The following TNPO3 variants were observed in gnomAD, a reference collection of about 807,000 sequenced individuals.
The protein encoded by TNPO3 is transportin 3, also known as transportin-3.
In TNPO3, 65 loss-of-function variants were observed where a neutral mutation model predicts 122.8. The observed-to-expected ratio is 0.53, with a 90% CI of 0.43 to 0.65. The LOEUF (loss-of-function observed/expected upper bound fraction) is 0.65, where lower values mean the gene tolerates loss of function less well. TNPO3 is among the 30% of genes least tolerant of loss of function. The pLI is 0.00. For missense variants in TNPO3, 850 were observed against 1,136.7 expected (o/e 0.75, Z 3.63); for synonymous variants, 372 against 411.2 (o/e 0.90, Z 1.15).
At chr7:129,038,652 A>T (rs540839930) in intron 1 of TNPO3, among the ~76,000 whole-genome samples, 1 of 152,336 alleles carries the variant, frequency 6.6e-6, no homozygotes, top group African/African-American at 2.4e-5. Context: ...ATGCAGCCAT[A>T]AAAAAAGAAT....
intron 1 of TNPO3, among the ~76,000 whole-genome samples, chr7:129,018,819 A>G (rs1211186452): frequency 2.0e-5 from 3 of 152,100 alleles, no homozygotes; most frequent in Non-Finnish European, 4.4e-5. Context: ...CCCAGGTTCA[A>G]GCAATTCTCC....
Position 129,014,786 on chromosome 7 carries a change from T to A in TNPO3, c.552+193A>T, listed in dbSNP as rs2305325. ...TTCATAAAAGAGATAACGTCACCTT[T>A]AGAGGATTATACAGAAACTTAAAAA... is the stretch of plus-strand genomic sequence containing the variant. On this transcript the variant is annotated intron_variant, in intron 4 of 22. Coordinates refer to ENST00000265388, the MANE Select transcript of TNPO3 (RefSeq NM_012470.4). Among the ~76,000 whole-genome samples, 56,637 of 152,040 alleles carry A rather than the reference T, an allele frequency of 0.37. 11,704 individuals are homozygous for A. The highest frequency in any genetic ancestry group is 0.47 in the Middle Eastern group (138 of 294).
chr7:128,993,134 CA>C (rs112083583), intron 9 of TNPO3, among the ~76,000 whole-genome samples: 45 of 144,762 alleles, frequency 3.1e-4, no homozygotes, highest in Admixed American at 3.5e-4. Context: ...ACTGAGTTAC[CA>C]AAAAAAAAAA....
intron 13 of TNPO3, 151 bp downstream of exon 13, chr7:128,984,017 T>G: frequency 2.0e-6 from 1 of 495,666 alleles, no homozygotes; most frequent in Non-Finnish European, 3.5e-6. Context: ...TGTATGCAGC[T>G]ACTTTGATTA....
At chr7:129,008,011 T>C (rs1220695890) in intron 4 of TNPO3, among the ~76,000 whole-genome samples, 1 of 151,756 alleles carries the variant, frequency 6.6e-6, no homozygotes. Context: ...TAGCCAGGTG[T>C]GGTGGCACGC....
Position 128,982,309 on chromosome 7 carries a change from G to T in TNPO3, c.1798C>A (p.Pro600Thr). 1 of 1,613,050 alleles carries T rather than the reference G, an allele frequency of 6.2e-7. No homozygotes were observed. Among genetic ancestry groups the T allele is most frequent in the Non-Finnish European group, 8.5e-7 (1 of 1,179,394 alleles). ...MALKKLLSQE[P>T]SNGISSDPTV... is the part of the protein sequence containing the mutation. ...GGATCTGAGGATATGCCATTGCTGG[G>T]CTCTTGAGACAACAGCTGAAGAGAC... is the stretch of plus-strand genomic sequence containing the variant. The change falls in exon 14 of 23, where the codon CCC (proline) becomes ACC (threonine). Residue 600 changes from proline (P) to threonine (T), a missense_variant. Pro to Thr is a conservative substitution (Grantham distance 38). Coordinates refer to ENST00000265388, the MANE Select transcript of TNPO3 (RefSeq NM_012470.4).
At chr7:128,968,539 ACT>A (rs1798141453) in intron 20 of TNPO3, among the ~76,000 whole-genome samples, 1 of 151,816 alleles carries the variant, frequency 6.6e-6, no homozygotes, top group Admixed American at 6.6e-5. Flanking sequence ...CTGTAAAATT[ACT>A]CTTTTATACC....
intron 8 of TNPO3, among the ~76,000 whole-genome samples, chr7:128,996,353 A>T (rs1481775990): frequency 2.0e-5 from 3 of 152,162 alleles, no homozygotes; most frequent in East Asian, 1.9e-4. Flanking sequence ...AATAAGATTT[A>T]AAAAATGTGT....
chr7:129,002,651 G>A (rs983461181), intron 5 of TNPO3, among the ~76,000 whole-genome samples: 11 of 152,188 alleles, frequency 7.2e-5, no homozygotes, highest in East Asian at 3.8e-4. Flanking sequence ...GGGCATGGTG[G>A]CTCACACCTG....
chr7:128,974,186 A>G (rs1488392359), intron 18 of TNPO3, among the ~76,000 whole-genome samples: 1 of 152,102 alleles, frequency 6.6e-6, no homozygotes, highest in Non-Finnish European at 1.5e-5. Flanking sequence ...AAAAGAAAAA[A>G]GAAAAAAAAT....
chr7:129,039,258 A>C (rs1398964921), intron 1 of TNPO3, among the ~76,000 whole-genome samples: 1 of 152,194 alleles, frequency 6.6e-6, no homozygotes, highest in East Asian at 1.9e-4. Flanking sequence ...ATTCCTTGAA[A>C]GGTTAAAAAT....
At chr7:129,053,050 G>A (rs1158999711) in intron 1 of TNPO3, among the ~76,000 whole-genome samples, 1 of 151,846 alleles carries the variant, frequency 6.6e-6, no homozygotes, top group African/African-American at 2.4e-5. Context: ...TGCAGCGGGG[G>A]GCGATGGCTC....
chr7:129,052,208 T>C (rs752984427), intron 1 of TNPO3, among the ~76,000 whole-genome samples: 3 of 152,198 alleles, frequency 2.0e-5, no homozygotes, highest in Non-Finnish European at 2.9e-5. Flanking sequence ...TGGCTTCCGG[T>C]TGGGTTTGGC....
rs1267747582 is a variant in TNPO3, at chr7:129,018,039, G to A, written c.239C>T (p.Thr80Ile). The A allele has an allele frequency of 6.2e-7, 1 of 1,614,164 alleles. No individual in the cohort carries two copies. ...KIQTSFYELP[T>I]DSHASLRDSL... ...GTCCCGTAAAGAGGCATGAGAGTCT[G>A]TGGGGAGCTCATAAAATGAGGTCTG... Residue 80 changes from threonine (T) to isoleucine (I), a missense_variant, in exon 2 of 23, where the codon ACA (threonine) becomes ATA (isoleucine). Transcript: ENST00000265388.
Position 128,993,727 on chromosome 7 carries a change from T to C in TNPO3, c.1266+80A>G, listed in dbSNP as rs982541618. The C allele has an allele frequency of 9.8e-6, 12 of 1,229,094 alleles. No homozygotes were observed. In the African/African-American group the frequency reaches 1.5e-4, roughly 15 times the overall value. The allele number at this position is 1,229,094 out of a possible 1,614,324, so 76.1% of individuals were successfully genotyped here. ...AGCCACTAAAATTGAAGAAATAAGATGGAACATTCACAGAAGACACAGAAG... is the reference window on the plus strand; with the variant it reads ...AGCCACTAAAATTGAAGAAATAAGACGGAACATTCACAGAAGACACAGAAG... On this transcript the variant is annotated intron_variant, in intron 9 of 22. Transcript: ENST00000265388.
chr7:129,029,899 C>A (rs905237059), intron 1 of TNPO3: 1 of 152,212 alleles, frequency 6.6e-6, no homozygotes, highest in African/African-American at 2.4e-5. Flanking sequence ...CGGCAGCGGG[C>A]GCCTGTAGTC....
At chr7:129,030,687 G>A (rs1384976383) in intron 1 of TNPO3, among the ~76,000 whole-genome samples, 3 of 151,980 alleles carry the variant, frequency 2.0e-5, no homozygotes, top group Non-Finnish European at 4.4e-5. Context: ...TGTTTTATAT[G>A]GATTTTTATT....
Position 128,980,035 on chromosome 7 carries a change from G to C in TNPO3, c.1860-4C>G. ...TTCCACAATGGGATTGGTATGCCTG[G>C]GAAAAGACAACAGCCCAAAATAGTG... is the stretch of plus-strand genomic sequence containing the variant. On this transcript the variant is annotated splice_region_variant and splice_polypyrimidine_tract_variant and intron_variant, in intron 14 of 22. Coordinates refer to ENST00000265388, the MANE Select transcript of TNPO3 (RefSeq NM_012470.4). The C allele has an allele frequency of 1.2e-6, 2 of 1,613,952 alleles. No homozygotes were observed. Among genetic ancestry groups the C allele is most frequent in the Non-Finnish European group, 1.7e-6 (2 of 1,179,922 alleles).
At chr7:128,989,417 G>A (rs11770317) in intron 11 of TNPO3, among the ~76,000 whole-genome samples, 21 of 151,982 alleles carry the variant, frequency 1.4e-4, no homozygotes, top group African/African-American at 4.8e-4. Flanking sequence ...AAAAAGAGGA[G>A]GTTAGAATAA....
Sources: gnomAD v4.1 joint callset for allele counts (sites outside exome capture counted in the v4.1 genomes callset) on GRCh38, gnomAD v4.1.1 for gene constraint, MANE v1.5 for transcripts, NCBI Gene and HGNC (gene_info 2026-07-23, HGNC 2026-07-21) for gene names.